Variants in HCN1 observed in about 807,000 individuals in gnomAD.
The protein encoded by HCN1 is potassium/sodium hyperpolarization-activated cyclic nucleotide-gated channel 1.
In HCN1, 13 loss-of-function variants were observed where a neutral mutation model predicts 78.9. That is an observed-to-expected ratio of 0.16 (90% CI 0.11 to 0.26). HCN1 has a LOEUF of 0.26. Among genes scored for constraint, HCN1 ranks in the 10% least tolerant of loss-of-function variants. The pLI, the probability that HCN1 is intolerant of heterozygous loss-of-function variation, is 1.00. For missense variants in HCN1, 810 were observed against 1,154.3 expected, an observed-to-expected ratio of 0.70 and a Z score of 4.32; for synonymous variants, 552 against 455.5, an observed-to-expected ratio of 1.21 and a Z score of -2.70.
chr5:45,693,097 C>G, intron 1 of HCN1, among the ~76,000 whole-genome samples: 1 of 152,018 alleles, frequency 6.6e-6, no homozygotes, highest in African/African-American at 2.4e-5. Context: ...AGATCATGAC[C>G]GCAAAAATTT....
chr5:45,410,204 T>C (rs956464937), intron 3 of HCN1, among the ~76,000 whole-genome samples: 1 of 152,164 alleles, frequency 6.6e-6, no homozygotes, highest in African/African-American at 2.4e-5. Context: ...TATCTTCATT[T>C]ACTGATGTGG....
At chr5:45,517,538 A>AC (rs915099183) in intron 2 of HCN1, among the ~76,000 whole-genome samples, 1 of 150,834 alleles carries the variant, frequency 6.6e-6, no homozygotes, top group Non-Finnish European at 1.5e-5. Context: ...AAAAAAAAAA[A>AC]AAAAAACATG....
chr5:45,679,578 G>GT, intron 1 of HCN1, among the ~76,000 whole-genome samples: 1 of 152,122 alleles, frequency 6.6e-6, no homozygotes, highest in Admixed American at 6.6e-5. Context: ...GTCACACAGC[G>GT]TATTTTGTGA....
chr5:45,549,903 A>G (rs942177106), intron 2 of HCN1, among the ~76,000 whole-genome samples: 2 of 152,208 alleles, frequency 1.3e-5, no homozygotes, highest in Non-Finnish European at 2.9e-5. Flanking sequence ...AAAAATGCTC[A>G]TCATCACTGG....
At chr5:45,506,780 C>A (rs1742310915) in intron 2 of HCN1, among the ~76,000 whole-genome samples, 2 of 152,096 alleles carry the variant, frequency 1.3e-5, no homozygotes, top group East Asian at 3.9e-4. Flanking sequence ...ATTTGTTATT[C>A]TTTTTATTCA....
At chr5:45,374,232 TAA>T (rs1452013875) in intron 4 of HCN1, among the ~76,000 whole-genome samples, 13 of 119,184 alleles carry the variant, frequency 1.1e-4, no homozygotes, top group South Asian at 5.3e-4. Context: ...ATTATATACA[TAA>T]CATATATATT....
At chr5:45,557,886 C>A (rs1743507428) in intron 2 of HCN1, 1 of 150,600 alleles carries the variant, frequency 6.6e-6, no homozygotes, top group Admixed American at 6.6e-5. Flanking sequence ...TGAGACACAA[C>A]AATATTGAAA....
Position 45,258,099 on chromosome 5 carries a change from T to C in HCN1, c.*3822A>G, listed in dbSNP as rs1579759364. On this transcript the variant is annotated 3_prime_UTR_variant, in exon 8 of 8. Transcript: ENST00000303230. ...ATATCTCATTCAAACAGGTTAACAT[T>C]ATAAACAGTGCAAGTGAGGGCCATA... is the stretch of plus-strand genomic sequence containing the variant. The C allele has an allele frequency of 6.6e-6, 1 of 152,132 alleles. No homozygotes were observed. Among genetic ancestry groups the C allele is most frequent in the Non-Finnish European group, 1.5e-5 (1 of 68,012 alleles). The allele number at this position is 152,132 out of a possible 1,614,324, so 9.4% of individuals were successfully genotyped here.
chr5:45,479,426 C>A (rs1741595040), intron 2 of HCN1, among the ~76,000 whole-genome samples: 1 of 152,126 alleles, frequency 6.6e-6, no homozygotes, highest in African/African-American at 2.4e-5. Flanking sequence ...CCTTTAACTA[C>A]ATTGAATAAT....
At chr5:45,637,654 G>T (rs1271368766) in intron 2 of HCN1, among the ~76,000 whole-genome samples, 1 of 151,596 alleles carries the variant, frequency 6.6e-6, no homozygotes, top group African/African-American at 2.4e-5. Flanking sequence ...TAAATAAAAT[G>T]AGATGGATAA....
At chr5:45,552,186 C>G (rs1037289214) in intron 2 of HCN1, among the ~76,000 whole-genome samples, 27 of 151,906 alleles carry the variant, frequency 1.8e-4, no homozygotes, top group African/African-American at 6.5e-4. Context: ...AAATCTGTCA[C>G]ATATCTCCAG....
intron 2 of HCN1, chr5:45,557,846 C>A (rs1238482724): frequency 6.6e-6 from 1 of 152,066 alleles, no homozygotes. Flanking sequence ...TGTTTCATTT[C>A]TCTCCCTCTG....
intron 5 of HCN1, among the ~76,000 whole-genome samples, chr5:45,321,654 G>C (rs1305730314): frequency 6.7e-6 from 1 of 150,114 alleles, no homozygotes; most frequent in East Asian, 1.9e-4. Context: ...GTATTTCTTA[G>C]ACAATTTACA....
At chr5:45,342,401 T>C (rs929278561) in intron 5 of HCN1, among the ~76,000 whole-genome samples, 1 of 149,442 alleles carries the variant, frequency 6.7e-6, no homozygotes, top group Admixed American at 6.7e-5. Context: ...GGCTATTTTT[T>C]TTTTTTTTGT....
chr5:45,376,345 T>TAG (rs1328696016), intron 4 of HCN1, among the ~76,000 whole-genome samples: 4 of 96,922 alleles, frequency 4.1e-5, no homozygotes, highest in African/African-American at 1.4e-4. Context: ...ATATTATATA[T>TAG]ATATAGAGAG....
chr5:45,370,413 G>C (rs531464131), intron 4 of HCN1, among the ~76,000 whole-genome samples: 1 of 151,818 alleles, frequency 6.6e-6, no homozygotes, highest in South Asian at 2.1e-4. Flanking sequence ...CAGAAACATT[G>C]GGCATATATT....
intron 6 of HCN1, among the ~76,000 whole-genome samples, chr5:45,295,245 TGTC>T: frequency 6.6e-6 from 1 of 152,036 alleles, no homozygotes; most frequent in Non-Finnish European, 1.5e-5. Context: ...CCAATATGGT[TGTC>T]ACCTTTTTGT....
intron 1 of HCN1, among the ~76,000 whole-genome samples, chr5:45,676,811 C>G (rs1580044793): frequency 2.0e-5 from 3 of 151,590 alleles, no homozygotes; most frequent in Non-Finnish European, 4.4e-5. Context: ...GAAAAATGGG[C>G]AAAGGTTGTG....
chr5:45,409,222 AAG>A (rs936838812), intron 3 of HCN1, among the ~76,000 whole-genome samples: 3 of 152,044 alleles, frequency 2.0e-5, no homozygotes, highest in Non-Finnish European at 2.9e-5. Flanking sequence ...TTCCAACTGA[AAG>A]AGTTTTGTAA....
Sources: allele counts gnomAD v4.1 joint callset (sites outside exome capture counted in the v4.1 genomes callset), GRCh38; gene constraint gnomAD v4.1.1; transcripts MANE v1.5; gene names NCBI Gene and HGNC (gene_info 2026-07-23, HGNC 2026-07-21).